The following SAMD5 variants were observed in gnomAD, a reference collection of about 807,000 sequenced individuals.
The protein encoded by SAMD5 is sterile alpha motif domain containing 5, also known as sterile alpha motif domain-containing protein 5.
In SAMD5, 13 loss-of-function variants were observed where a neutral mutation model predicts 11.3. The observed-to-expected ratio is 1.15, with a 90% CI of 0.75 to 1.83. SAMD5 has a LOEUF of 1.83. Ranked by LOEUF, SAMD5 falls within the 40% of genes most tolerant of loss-of-function variation. The probability of loss-of-function intolerance (pLI) is 0.00; values close to 1 mark genes in which losing one functional copy is unlikely to be tolerated. For synonymous variants in SAMD5, 129 were observed against 111.3 expected (o/e 1.16, Z -1.00); for missense variants, 255 against 239.1 (o/e 1.07, Z -0.44).
chr6:147,684,277 T>C (rs942779287), intron 1 of SAMD5, among the ~76,000 whole-genome samples: 5 of 152,184 alleles, frequency 3.3e-5, no homozygotes, highest in Non-Finnish European at 5.9e-5. Flanking sequence ...GTTGTTGTAA[T>C]CTATTCATCT....
the SAMD5 span, among the ~76,000 whole-genome samples, chr6:147,890,756 T>G: frequency 1.3e-5 from 2 of 150,830 alleles, no homozygotes; most frequent in East Asian, 1.9e-4. Flanking sequence ...TTGGATAGTT[T>G]TTTTTTTTTT....
chr6:147,920,218 A>G, the SAMD5 span, among the ~76,000 whole-genome samples: 1 of 152,220 alleles, frequency 6.6e-6, no homozygotes, highest in Non-Finnish European at 1.5e-5. Flanking sequence ...ATCAGCTGCC[A>G]GCACTGCTAG....
the SAMD5 span, among the ~76,000 whole-genome samples, chr6:147,742,936 A>C: frequency 1.3e-5 from 2 of 152,204 alleles, no homozygotes; most frequent in African/African-American, 2.4e-5. Context: ...TATATGTGAA[A>C]GTGTATTTGA....
chr6:147,898,663 A>C, the SAMD5 span, among the ~76,000 whole-genome samples: 1 of 152,152 alleles, frequency 6.6e-6, no homozygotes, highest in East Asian at 1.9e-4. Context: ...CATTGCATAT[A>C]ATTTCTGTAG....
the SAMD5 span, among the ~76,000 whole-genome samples, chr6:147,930,196 A>C: frequency 6.6e-6 from 1 of 152,064 alleles, no homozygotes; most frequent in Non-Finnish European, 1.5e-5. Context: ...TAAGTTCCTC[A>C]TTTCCATCTG....
chr6:147,907,918 A>G, the SAMD5 span, among the ~76,000 whole-genome samples: 2 of 152,210 alleles, frequency 1.3e-5, no homozygotes, highest in East Asian at 1.9e-4. Context: ...AACCTCAACC[A>G]AAATGTGTAT....
intron 1 of SAMD5, among the ~76,000 whole-genome samples, chr6:147,673,950 A>G (rs926083371): frequency 6.6e-6 from 1 of 152,224 alleles, no homozygotes; most frequent in African/African-American, 2.4e-5. Context: ...TGTAGTGTAC[A>G]AGGCAATTTT....
rs774649997 is a variant in SAMD5, at chr6:147,509,370, C to G, written c.442C>G (p.Pro148Ala). The change falls in exon 1 of 2, where the codon CCC becomes GCC. Residue 148 changes from proline to alanine, a missense_variant. Pro to Ala is a conservative substitution (Grantham distance 27). Transcript: ENST00000367474. ...CCGTGACGGCATCCACCTGAGCAAGCCCCCGTACTCCCGCAAGGTAAGGAG... is the reference window on the plus strand; with the variant it reads ...CCGTGACGGCATCCACCTGAGCAAGGCCCCGTACTCCCGCAAGGTAAGGAG... ...LVRDGIHLSK[P>A]PYSRKVPMAG... 51 of 1,559,092 alleles carry G rather than the reference C, an allele frequency of 3.3e-5. No homozygotes were observed. In the South Asian group the frequency reaches 5.6e-4, roughly 17 times the overall value.
chr6:147,751,358 G>A, the SAMD5 span, among the ~76,000 whole-genome samples: 1 of 151,848 alleles, frequency 6.6e-6, no homozygotes, highest in African/African-American at 2.4e-5. Context: ...TGTCTCCCTA[G>A]TAAAACGTAA....
chr6:147,752,491 T>G, the SAMD5 span, among the ~76,000 whole-genome samples: 1 of 152,256 alleles, frequency 6.6e-6, no homozygotes, highest in Non-Finnish European at 1.5e-5. Flanking sequence ...TCATTTGCAG[T>G]AATCTCCCAC....
intron 1 of SAMD5, among the ~76,000 whole-genome samples, chr6:147,709,257 A>T (rs554258032): frequency 1.9e-3 from 291 of 152,336 alleles, no homozygotes; most frequent in Non-Finnish European, 3.0e-3. Context: ...TTCTTATAAA[A>T]ATGTCAGGAT....
At chr6:147,607,218 T>C (rs1451030366) in intron 1 of SAMD5, among the ~76,000 whole-genome samples, 1 of 152,200 alleles carries the variant, frequency 6.6e-6, no homozygotes, top group Non-Finnish European at 1.5e-5. Context: ...TGCATGTTCA[T>C]GGATTGGAAA....
At chr6:147,757,261 G>A in the SAMD5 span, among the ~76,000 whole-genome samples, 218 of 152,166 alleles carry the variant, frequency 1.4e-3, 1 homozygote, top group African/African-American at 5.0e-3. Context: ...ATCAATTATA[G>A]TTATATATAA....
chr6:147,563,588 A>G (rs962690928), intron 1 of SAMD5, among the ~76,000 whole-genome samples: 3 of 152,350 alleles, frequency 2.0e-5, no homozygotes, highest in South Asian at 4.1e-4. Context: ...GTGGGCACAC[A>G]GCAGAGCCAT....
At chr6:147,629,821 G>A (rs541308062) in intron 1 of SAMD5, among the ~76,000 whole-genome samples, 2 of 152,216 alleles carry the variant, frequency 1.3e-5, no homozygotes, top group East Asian at 1.9e-4. Context: ...TTCCAGCTTC[G>A]AGTGGATAAG....
At chr6:147,934,406 G>A in the SAMD5 span, among the ~76,000 whole-genome samples, 1 of 152,184 alleles carries the variant, frequency 6.6e-6, no homozygotes, top group African/African-American at 2.4e-5. Flanking sequence ...TCTCTCTTGA[G>A]AGTGGCCATA....
chr6:147,590,497 C>T (rs1264884666), intron 1 of SAMD5, among the ~76,000 whole-genome samples: 2 of 152,158 alleles, frequency 1.3e-5, no homozygotes, highest in African/African-American at 2.4e-5. Flanking sequence ...ACTGCAACCT[C>T]CGTCTCCCGG....
chr6:147,524,238 A>T (rs1390230414), intron 1 of SAMD5, among the ~76,000 whole-genome samples: 3 of 151,900 alleles, frequency 2.0e-5, no homozygotes, highest in Non-Finnish European at 2.9e-5. Flanking sequence ...ACACTGTGGC[A>T]TGACCCACTT....
chr6:147,566,977 A>T lies in SAMD5; in HGVS notation c.*2521A>T. On this transcript the variant is annotated 3_prime_UTR_variant, in exon 2 of 2. Coordinates refer to ENST00000367474, the MANE Select transcript of SAMD5 (RefSeq NM_001030060.3). Reference sequence around the variant, plus strand: ...AATTTTTGAATATAAAAGAAGTAGCAATTGACTAAGAATAAATATGTTATA... The same window carrying T: ...AATTTTTGAATATAAAAGAAGTAGCTATTGACTAAGAATAAATATGTTATA... 1 of 834,710 alleles carries T rather than the reference A, an allele frequency of 1.2e-6. No homozygotes were observed. The highest frequency in any genetic ancestry group is 1.4e-6 in the Non-Finnish European group (1 of 692,856). 51.7% of individuals were successfully genotyped at this position (834,710 alleles called of 1,614,324 possible).
Sources: gnomAD v4.1 joint callset for allele counts (sites outside exome capture counted in the v4.1 genomes callset) on GRCh38, gnomAD v4.1.1 for gene constraint, MANE v1.5 for transcripts, NCBI Gene and HGNC (gene_info 2026-07-23, HGNC 2026-07-21) for gene names.